The following C12orf50 variants were observed in gnomAD, a reference collection of about 807,000 sequenced individuals.
C12orf50 encodes the protein zinc finger CCCH-type containing 11D, also known as uncharacterized protein C12orf50.
Under a neutral mutation model 61.6 loss-of-function variants are expected in C12orf50, and 35 were observed. The observed-to-expected ratio is 0.57, with a 90% CI of 0.43 to 0.75. The LOEUF is 0.75. Ranked by LOEUF, C12orf50 falls within the 30% of genes least tolerant of loss-of-function variation. The pLI is 0.00. For synonymous variants in C12orf50, 178 were observed against 161.5 expected (o/e 1.10, Z -0.77); for missense variants, 475 against 488.5 (o/e 0.97, Z 0.26).
At chr12:87,987,288 T>A (rs1420835292) in intron 9 of C12orf50, among the ~76,000 whole-genome samples, 1 of 152,144 alleles carries the variant, frequency 6.6e-6, no homozygotes, top group African/African-American at 2.4e-5. Context: ...GTGCAAGGAT[T>A]TGGAATCCAT....
Position 87,994,739 on chromosome 12 carries a change from A to G in C12orf50, c.486T>C (p.Asp162=), listed in dbSNP as rs777130145. The change falls in exon 7 of 13, where the codon GAT becomes GAC. Residue 162 remains aspartate (D), a synonymous_variant. Transcript: ENST00000298699. ...TAAGTTTTGTCGGAACTGTAAGACTATCTCCTAGAAATAAGAAGAAAAAAA... is the reference window on the plus strand; with the variant it reads ...TAAGTTTTGTCGGAACTGTAAGACTGTCTCCTAGAAATAAGAAGAAAAAAA... The part of the protein sequence containing the change: ...LENGSELQEG[D]SLTVPTKLSQ... 6.2e-7 allele frequency: 1 copy of G among 1,600,340 alleles called. No homozygotes were observed. Among genetic ancestry groups the G allele is most frequent in the South Asian group, 1.1e-5 (1 of 90,002 alleles).
chr12:87,989,640 T>C (rs1025562554), intron 7 of C12orf50, among the ~76,000 whole-genome samples: 24 of 152,210 alleles, frequency 1.6e-4, no homozygotes, highest in Middle Eastern at 6.8e-3. Flanking sequence ...TGTATAATAA[T>C]CTTTAGTCCC....
intron 7 of C12orf50, among the ~76,000 whole-genome samples, chr12:87,993,094 A>C (rs561044949): frequency 5.3e-5 from 8 of 152,242 alleles, no homozygotes; most frequent in African/African-American, 1.7e-4. Context: ...GGAATTTTTT[A>C]AATATTCTTT....
At position 87,980,118 on chromosome 12, in the gene C12orf50, C is replaced by T; in HGVS notation, c.*213G>A. The T allele has an allele frequency of 3.7e-6, 2 of 546,960 alleles. No homozygotes were observed. The highest frequency in any genetic ancestry group is 6.4e-6 in the Non-Finnish European group (2 of 311,828). 33.9% of individuals were successfully genotyped at this position (546,960 alleles called of 1,614,324 possible). A position where few individuals can be genotyped will look rare whatever the true frequency, so the allele number is the denominator to read the frequency against. ...TTCCAGACCTACATAAATACACTGG[C>T]AGCTGTTGGTAATTTGCATTTTTAT... is the stretch of plus-strand genomic sequence containing the variant. On this transcript the variant is annotated 3_prime_UTR_variant, in exon 13 of 13. Transcript: ENST00000298699.
chr12:88,006,507 C>T lies in C12orf50; in HGVS notation c.134-8317G>A, dbSNP rs1162890050. 1.3e-5 allele frequency among the ~76,000 whole-genome samples: 2 copies of T among 152,152 alleles called. 1 individual carries two copies. The highest frequency in any genetic ancestry group is 4.8e-5 in the African/African-American group (2 of 41,428). The stretch of plus-strand genomic sequence containing the variant: ...CAGTCACTTAATTCTTTTGGAGTGA[C>T]GCCCTGTTTTAAAATTGGGGCACAA... On this transcript the variant is annotated intron_variant, in intron 3 of 12. Transcript: ENST00000298699.
rs188752394 is a variant in C12orf50, at chr12:88,006,159, G to A, written c.134-7969C>T. On this transcript the variant is annotated intron_variant, in intron 3 of 12. Transcript: ENST00000298699. Reference sequence around the variant, plus strand: ...TCTCGATCTCCTGACCTCGTGATCCGCCCACATCGGCCTCCCAAAGTGCTG... The same window carrying A: ...TCTCGATCTCCTGACCTCGTGATCCACCCACATCGGCCTCCCAAAGTGCTG... Among the ~76,000 whole-genome samples, 1,004 of 151,994 alleles carry A rather than the reference G, an allele frequency of 6.6e-3. 13 individuals carry two copies. Among genetic ancestry groups the A allele is most frequent in the African/African-American group, 0.023 (951 of 41,480 alleles).
intron 1 of C12orf50, 177 bp downstream of exon 1, chr12:88,029,162 GA>G: frequency 1.0e-6 from 1 of 1,004,890 alleles, no homozygotes; most frequent in Non-Finnish European, 1.3e-6. Flanking sequence ...TTTTTTTTTT[GA>G]AAAATATATA....
chr12:88,028,831 G>A (rs1184225501), intron 1 of C12orf50, among the ~76,000 whole-genome samples: 1 of 151,920 alleles, frequency 6.6e-6, no homozygotes, highest in Admixed American at 6.6e-5. Flanking sequence ...ACATATAACT[G>A]GTATATATAA....
Position 88,027,085 on chromosome 12 carries a change from A to G in C12orf50, c.-108-15T>C, listed in dbSNP as rs1294774519. 1.9e-6 allele frequency: 3 copies of G among 1,594,872 alleles called. No homozygotes were observed. The East Asian group carries it at 6.7e-5, about 36-fold the overall frequency. Reference sequence around the variant, plus strand: ...CACTGGGAACCCTAAAAGAAAAAGTAAACAGTGTAGAAAGCTCAATATGTT... The same window carrying G: ...CACTGGGAACCCTAAAAGAAAAAGTGAACAGTGTAGAAAGCTCAATATGTT... On this transcript the variant is annotated splice_polypyrimidine_tract_variant and intron_variant, in intron 1 of 12. Coordinates refer to ENST00000298699, the MANE Select transcript of C12orf50 (RefSeq NM_152589.3).
intron 3 of C12orf50, among the ~76,000 whole-genome samples, chr12:88,019,997 A>AT (rs2136488323): frequency 6.6e-6 from 1 of 152,302 alleles, no homozygotes; most frequent in East Asian, 1.9e-4. Context: ...TGCTGAGGGA[A>AT]TTTTTTACCA....
intron 3 of C12orf50, among the ~76,000 whole-genome samples, chr12:88,017,248 G>A (rs55883736): frequency 0.06 from 9,168 of 152,100 alleles, 970 homozygotes; most frequent in African/African-American, 0.21. Context: ...TTTCTGTGCC[G>A]TTCTCATGAT....
At chr12:87,996,133 C>T (rs1448098384) in intron 6 of C12orf50, among the ~76,000 whole-genome samples, 1 of 152,068 alleles carries the variant, frequency 6.6e-6, no homozygotes, top group African/African-American at 2.4e-5. Flanking sequence ...ACAGCATTAC[C>T]CCATGGAGTG....
chr12:87,996,823 C>T (rs2031417495), intron 4 of C12orf50, among the ~76,000 whole-genome samples, 177 bp from the exon 5 acceptor site: 1 of 152,010 alleles, frequency 6.6e-6, no homozygotes, highest in African/African-American at 2.4e-5. Context: ...TTTAAGTATT[C>T]AAAACAATGT....
chr12:88,008,550 TAAAG>T (rs928646861), intron 3 of C12orf50, among the ~76,000 whole-genome samples: 21 of 152,238 alleles, frequency 1.4e-4, no homozygotes, highest in Middle Eastern at 6.8e-3. Context: ...CAGAAGGAAA[TAAAG>T]AATTGTTTCT....
At chr12:87,998,222 C>G (rs752828076) in intron 3 of C12orf50, 32 bp from the exon 4 acceptor site, 1 of 1,577,102 alleles carries the variant, frequency 6.3e-7, no homozygotes, top group Non-Finnish European at 8.7e-7. Context: ...TCAGTCTGTT[C>G]AAGATATATG....
intron 11 of C12orf50, chr12:87,983,659 C>A (rs1438798193): frequency 3.3e-5 from 5 of 150,742 alleles, no homozygotes; most frequent in African/African-American, 4.8e-5. Flanking sequence ...TTTGTCCTTG[C>A]GATAGTTTAC....
At chr12:88,021,625 G>A (rs561655587) in intron 3 of C12orf50, among the ~76,000 whole-genome samples, 2 of 150,786 alleles carry the variant, frequency 1.3e-5, no homozygotes, top group East Asian at 1.9e-4. Flanking sequence ...GTGACAGAGT[G>A]AGACTCTGTT....
intron 4 of C12orf50, 80 bp downstream of exon 4, chr12:87,997,955 A>C (rs2031485485): frequency 1.7e-6 from 2 of 1,152,612 alleles, no homozygotes; most frequent in Admixed American, 5.2e-5. Flanking sequence ...TTACATCATA[A>C]ACCTTTACAG....
intron 3 of C12orf50, among the ~76,000 whole-genome samples, chr12:88,018,844 T>A (rs564224996): frequency 1.4e-4 from 22 of 152,318 alleles, no homozygotes; most frequent in African/African-American, 5.3e-4. Flanking sequence ...TTTGCCCAGT[T>A]TCTCCCATTT....
Sources: allele counts gnomAD v4.1 joint callset (sites outside exome capture counted in the v4.1 genomes callset), GRCh38; gene constraint gnomAD v4.1.1; transcripts MANE v1.5; gene names NCBI Gene and HGNC (gene_info 2026-07-23, HGNC 2026-07-21).